FSTL5: variants seen among roughly 807,000 people sequenced by gnomAD.
FSTL5 encodes the protein follistatin-related protein 5.
FSTL5 carries 62 observed loss-of-function variants against 89.1 expected under a neutral mutation model. That is an observed-to-expected ratio of 0.70 (90% confidence interval 0.57 to 0.86). The LOEUF (loss-of-function observed/expected upper bound fraction) is 0.86, where lower values mean the gene tolerates loss of function less well. FSTL5 is among the 40% of genes least tolerant of loss of function. The pLI is 0.00. For synonymous variants in FSTL5, 383 were observed against 346.2 expected, an observed-to-expected ratio of 1.11 and a Z score of -1.18; for missense variants, 1,057 against 1,001.6, an observed-to-expected ratio of 1.06 and a Z score of -0.75.
At chr4:161,884,999 G>C in intron 4 of FSTL5, among the ~76,000 whole-genome samples, 1 of 151,428 alleles carries the variant, frequency 6.6e-6, no homozygotes, top group Non-Finnish European at 1.5e-5. Context: ...CAGAGCGAAG[G>C]GTTTAAATCA....
intron 3 of FSTL5, among the ~76,000 whole-genome samples, chr4:162,015,623 C>CTATT (rs1736894966): frequency 6.6e-6 from 1 of 152,140 alleles, no homozygotes; most frequent in Admixed American, 6.6e-5. Flanking sequence ...GATGGATGAA[C>CTATT]TATTCACTGA....
At chr4:161,596,349 T>G (rs1234520519) in intron 7 of FSTL5, among the ~76,000 whole-genome samples, 1 of 151,850 alleles carries the variant, frequency 6.6e-6, no homozygotes, top group Non-Finnish European at 1.5e-5. Flanking sequence ...AAATGTCAAC[T>G]AACACGAATT....
At chr4:162,132,647 T>TAG (rs1408004440) in intron 1 of FSTL5, among the ~76,000 whole-genome samples, 7 of 152,190 alleles carry the variant, frequency 4.6e-5, no homozygotes, top group African/African-American at 1.7e-4. Context: ...CTATGCCTAC[T>TAG]GCATAGATGT....
chr4:162,034,956 T>C (rs1180934463), intron 2 of FSTL5, among the ~76,000 whole-genome samples: 4 of 152,180 alleles, frequency 2.6e-5, no homozygotes, highest in African/African-American at 9.6e-5. Context: ...CTGCTCTTTA[T>C]TAATTGTTTA....
chr4:162,112,702 C>T (rs561158610), intron 1 of FSTL5, among the ~76,000 whole-genome samples: 3 of 151,952 alleles, frequency 2.0e-5, no homozygotes, highest in South Asian at 2.1e-4. Context: ...TACCCTAGTT[C>T]ACTCAGTCAC....
intron 4 of FSTL5, among the ~76,000 whole-genome samples, chr4:161,919,963 T>C (rs1733946594): frequency 6.6e-6 from 1 of 152,204 alleles, no homozygotes. Context: ...ACTGGTTCCT[T>C]ATAATTTGAA....
In FSTL5 at chr4:161,658,245, C is replaced by A. The variant is rs1333530242; in HGVS notation, c.728-1751G>T. ...TCGGGAGGCAGAGGCAGGCGGATCACTTGAAGTGAGGAGTTCGAGCCTGGC... is the reference window on the plus strand; with the variant it reads ...TCGGGAGGCAGAGGCAGGCGGATCAATTGAAGTGAGGAGTTCGAGCCTGGC... On this transcript the variant is annotated intron_variant, in intron 6 of 15. Coordinates refer to ENST00000306100, the MANE Select transcript of FSTL5 (RefSeq NM_020116.5). Among the ~76,000 whole-genome samples, 4 of 152,030 alleles carry A rather than the reference C, an allele frequency of 2.6e-5. No homozygotes were observed. In the East Asian group the frequency reaches 7.7e-4, roughly 29 times the overall value.
chr4:161,805,439 G>C (rs1168374586), intron 4 of FSTL5, among the ~76,000 whole-genome samples: 2 of 152,066 alleles, frequency 1.3e-5, no homozygotes, highest in Non-Finnish European at 2.9e-5. Context: ...AGAATGGTAT[G>C]GTAATAGATT....
chr4:162,134,587 GA>G (rs770472777), intron 1 of FSTL5, among the ~76,000 whole-genome samples: 1 of 152,162 alleles, frequency 6.6e-6, no homozygotes, highest in Non-Finnish European at 1.5e-5. Context: ...AGTACCATTG[GA>G]AGAAAAATTA....
At chr4:161,726,377 C>T (rs1280019592) in intron 6 of FSTL5, among the ~76,000 whole-genome samples, 1 of 139,658 alleles carries the variant, frequency 7.2e-6, no homozygotes, top group African/African-American at 2.5e-5. Flanking sequence ...CTGGAGCATG[C>T]CACCACGCCC....
chr4:161,801,891 A>C (rs1017811979), intron 4 of FSTL5, among the ~76,000 whole-genome samples: 2 of 151,644 alleles, frequency 1.3e-5, no homozygotes, highest in Non-Finnish European at 3.0e-5. Context: ...TCTCTTAGCA[A>C]ATAAATTGCA....
At chr4:161,398,486 C>T (rs1223655160) in intron 15 of FSTL5, among the ~76,000 whole-genome samples, 1 of 152,016 alleles carries the variant, frequency 6.6e-6, no homozygotes. Flanking sequence ...CTCCATCGTC[C>T]TAAAGAGAAA....
chr4:162,029,175 G>A (rs2111184082), intron 3 of FSTL5, among the ~76,000 whole-genome samples: 1 of 151,956 alleles, frequency 6.6e-6, no homozygotes, highest in African/African-American at 2.4e-5. Flanking sequence ...GAGTGTGTGT[G>A]TGTGTGTGTG....
At chr4:161,427,263 C>A (rs993950023) in intron 15 of FSTL5, among the ~76,000 whole-genome samples, 1 of 152,170 alleles carries the variant, frequency 6.6e-6, no homozygotes, top group Non-Finnish European at 1.5e-5. Flanking sequence ...GCTATGTCAG[C>A]CATGGGAATG....
intron 10 of FSTL5, 32 bp from the exon 11 acceptor site, chr4:161,510,456 GA>G: frequency 2.2e-6 from 3 of 1,365,278 alleles, no homozygotes; most frequent in Non-Finnish European, 2.0e-6. Flanking sequence ...AGAAGAAAAA[GA>G]AAAATGAGTA....
intron 12 of FSTL5, among the ~76,000 whole-genome samples, chr4:161,490,693 C>T (rs978402020): frequency 3.3e-5 from 5 of 152,054 alleles, no homozygotes; most frequent in African/African-American, 1.2e-4. Flanking sequence ...CTCTGAAATG[C>T]AATCAATTTA....
At chr4:161,748,274 G>C (rs991445009) in intron 6 of FSTL5, among the ~76,000 whole-genome samples, 1 of 152,010 alleles carries the variant, frequency 6.6e-6, no homozygotes, top group Non-Finnish European at 1.5e-5. Flanking sequence ...GCCACAAAAA[G>C]TATCATGCAC....
At chr4:161,505,770 T>A (rs942111387) in intron 11 of FSTL5, among the ~76,000 whole-genome samples, 34 of 152,172 alleles carry the variant, frequency 2.2e-4, no homozygotes, top group African/African-American at 7.7e-4. Context: ...CATATATAGA[T>A]ATCGCTACAA....
At position 161,455,076 on chromosome 4, in the gene FSTL5, G is replaced by T; in HGVS notation, c.1769C>A (p.Pro590Gln). The change falls in exon 15 of 16, where the codon CCA becomes CAA. Residue 590 changes from proline to glutamine, a missense_variant. This residue lies in a region of FSTL5 where 980 missense variants were observed against 903.2 expected (regional missense o/e 1.08). Coordinates refer to ENST00000306100, the MANE Select transcript of FSTL5 (RefSeq NM_020116.5). The stretch of plus-strand genomic sequence containing the variant: ...CACTCTGTCAAATTGCTTTCCCACT[G>T]GTTGGGTGTGGATCGTGTGGTGAGG... ...NVPHHTIHTQ[P>Q]VGKQFDRVDD... 1 of 1,613,222 alleles carries T rather than the reference G, an allele frequency of 6.2e-7. No homozygotes were observed. Among genetic ancestry groups the T allele is most frequent in the Non-Finnish European group, 8.5e-7 (1 of 1,179,462 alleles).
Sources: gnomAD v4.1 joint callset for allele counts (sites outside exome capture counted in the v4.1 genomes callset) on GRCh38, gnomAD v4.1.1 for gene constraint, gnomAD v4.1.1 regional missense constraint, MANE v1.5 for transcripts, NCBI Gene and HGNC (gene_info 2026-07-23, HGNC 2026-07-21) for gene names.